The following DAPK1 variants were observed in gnomAD, a reference collection of about 807,000 sequenced individuals.
DAPK1 encodes death associated protein kinase 1.
In DAPK1, 56 loss-of-function variants were observed where a neutral mutation model predicts 144.9. That is an observed-to-expected ratio of 0.39 (90% CI 0.31 to 0.48). The LOEUF is 0.48. Ranked by LOEUF, DAPK1 falls within the 20% of genes least tolerant of loss-of-function variation. The pLI is 0.95. For missense variants in DAPK1, 1,454 were observed against 1,875.4 expected (o/e 0.78, Z 4.15); for synonymous variants, 690 against 749.0 (o/e 0.92, Z 1.29).
Position 87,611,388 on chromosome 9 carries a change from C to A in DAPK1, c.284+6213C>A, listed in dbSNP as rs56990718. Reference sequence around the variant, plus strand: ...CTGGCCTCAAGCTCCTGCACTCAAGCGCTTCTCCTGCGTCAGCCTCCTGAG... The same window carrying A: ...CTGGCCTCAAGCTCCTGCACTCAAGAGCTTCTCCTGCGTCAGCCTCCTGAG... On this transcript the variant is annotated intron_variant, in intron 3 of 25. Coordinates refer to ENST00000408954, the MANE Select transcript of DAPK1 (RefSeq NM_004938.4). Among the ~76,000 whole-genome samples the A allele has an allele frequency of 1.6e-4, 24 of 152,146 alleles. 1 individual carries two copies. Among genetic ancestry groups the A allele is most frequent in the Non-Finnish European group, 2.9e-5 (2 of 68,014 alleles).
intron 4 of DAPK1, among the ~76,000 whole-genome samples, chr9:87,638,472 C>G (rs1829979798): frequency 6.6e-6 from 1 of 152,194 alleles, no homozygotes; most frequent in Non-Finnish European, 1.5e-5. Context: ...GACTCTGTCA[C>G]CAATAATCAA....
intron 2 of DAPK1, among the ~76,000 whole-genome samples, chr9:87,509,613 G>GC (rs1033226087): frequency 1.3e-5 from 2 of 152,154 alleles, no homozygotes; most frequent in Admixed American, 6.5e-5. Context: ...GCCCGCCTCG[G>GC]CCCCCCACAA....
intron 18 of DAPK1, among the ~76,000 whole-genome samples, chr9:87,665,923 C>T (rs1344994615): frequency 6.6e-6 from 1 of 152,182 alleles, no homozygotes; most frequent in African/African-American, 2.4e-5. Flanking sequence ...GGCCATCTTT[C>T]TATATCTTTT....
At chr9:87,660,338 C>T (rs959369588) in intron 18 of DAPK1, among the ~76,000 whole-genome samples, 2 of 152,042 alleles carry the variant, frequency 1.3e-5, no homozygotes, top group African/African-American at 2.4e-5. Flanking sequence ...GCGTCGCCCT[C>T]AGAAACGTGA....
chr9:87,633,119 AAAG>A, intron 3 of DAPK1: 2 of 975,466 alleles, frequency 2.1e-6, no homozygotes, highest in Non-Finnish European at 2.4e-6. Flanking sequence ...ATGTAGAAAT[AAAG>A]AAAGATGAGT....
At chr9:87,700,418 G>A (rs913399712) in intron 24 of DAPK1, among the ~76,000 whole-genome samples, 181 bp downstream of exon 24, 8 of 152,088 alleles carry the variant, frequency 5.3e-5, no homozygotes, top group Non-Finnish European at 1.2e-4. Flanking sequence ...GGGAGCTGAA[G>A]GGTTATTATG....
chr9:87,567,759 G>A (rs36233190), intron 2 of DAPK1, among the ~76,000 whole-genome samples: 13,172 of 152,020 alleles, frequency 0.087, 893 homozygotes, highest in East Asian at 0.34. Context: ...ATGAGTCTGT[G>A]AGCCCCACCC....
intron 2 of DAPK1, among the ~76,000 whole-genome samples, chr9:87,516,175 G>A (rs1250731998): frequency 6.6e-6 from 1 of 152,148 alleles, no homozygotes; most frequent in Non-Finnish European, 1.5e-5. Flanking sequence ...TCTCCTTGGT[G>A]TGGAAGCTGG....
chr9:87,514,964 A>G (rs1824989348), intron 2 of DAPK1, among the ~76,000 whole-genome samples: 1 of 152,232 alleles, frequency 6.6e-6, no homozygotes, highest in Admixed American at 6.5e-5. Flanking sequence ...CATCTGGGAC[A>G]TGAGAGTGTT....
chr9:87,622,552 G>A (rs1829335488), intron 3 of DAPK1, among the ~76,000 whole-genome samples: 1 of 152,128 alleles, frequency 6.6e-6, no homozygotes, highest in Non-Finnish European at 1.5e-5. Context: ...AAAAAAGATT[G>A]CTTTTGGTTT....
intron 3 of DAPK1, among the ~76,000 whole-genome samples, chr9:87,625,610 G>T (rs976448866): frequency 1.1e-4 from 17 of 152,304 alleles, no homozygotes; most frequent in Admixed American, 3.3e-4. Flanking sequence ...TAGTGCTGGA[G>T]ACTTCTGTGA....
At chr9:87,592,718 G>A (rs1295725736) in intron 2 of DAPK1, among the ~76,000 whole-genome samples, 1 of 152,128 alleles carries the variant, frequency 6.6e-6, no homozygotes, top group Non-Finnish European at 1.5e-5. Flanking sequence ...CCTCGTGGCT[G>A]ACTTCCAGGG....
intron 1 of DAPK1, chr9:87,498,730 C>A (rs1170638605): frequency 4.6e-6 from 2 of 431,204 alleles, no homozygotes; most frequent in South Asian, 1.6e-4. Flanking sequence ...GACCGCCCAG[C>A]GTTTGGGGAC....
chr9:87,530,790 C>T (rs972341097), intron 2 of DAPK1, among the ~76,000 whole-genome samples: 1 of 152,100 alleles, frequency 6.6e-6, no homozygotes, highest in African/African-American at 2.4e-5. Context: ...GCCTTCTTGT[C>T]GCAGGTGGGA....
chr9:87,544,823 G>T (rs563444476), intron 2 of DAPK1, among the ~76,000 whole-genome samples: 1 of 152,156 alleles, frequency 6.6e-6, no homozygotes, highest in Non-Finnish European at 1.5e-5. Context: ...CAAAATGCAG[G>T]AAGAAAGACA....
chr9:87,597,572 G>A (rs1389812763), intron 2 of DAPK1, among the ~76,000 whole-genome samples: 1 of 152,042 alleles, frequency 6.6e-6, no homozygotes, highest in East Asian at 1.9e-4. Context: ...TCCTTTCCAT[G>A]TGCTTGATGT....
In DAPK1 at chr9:87,681,537, T is replaced by TGA; in HGVS notation, c.2137_2138dup (p.Ser714GlyfsTer32). 6.2e-7 allele frequency: 1 copy of TGA among 1,612,498 alleles called. No individual in the cohort carries two copies. Among genetic ancestry groups the TGA allele is most frequent in the Non-Finnish European group, 8.5e-7 (1 of 1,178,530 alleles). On this transcript the variant is annotated frameshift_variant, in exon 20 of 26. Transcript: ENST00000408954. LOFTEE classifies it high-confidence loss of function. Reference sequence around the variant, plus strand: ...GTAGAATCTCTCAAGTGTGGGCTGCTGAGGAGCTTTTTCAGAAGGCGTCGG... The same window carrying TGA: ...GTAGAATCTCTCAAGTGTGGGCTGCTGAGAGGAGCTTTTTCAGAAGGCGTCGG...
At chr9:87,576,567 GTTTTGTTTGAGACGGAGTCTCTCTCTATT>G (rs1191601039) in intron 2 of DAPK1, among the ~76,000 whole-genome samples, 1 of 149,678 alleles carries the variant, frequency 6.7e-6, no homozygotes, top group African/African-American at 2.5e-5. Flanking sequence ...GTTTTGTTTT[GTTTTGTTTGAGACGGAGTCTCTCTCTATT>G]TCCCAGGCTG....
chr9:87,649,974 C>G lies in DAPK1; in HGVS notation c.1482C>G (p.Ala494=). ...CAAWHGYYSV[A]KALCEAGCNV... is the part of the protein sequence containing the mutation. ...CTTGGCACGGCTATTACTCTGTGGC[C>G]AAAGCCCTTTGTGAAGCCGGCTGTA... is the stretch of plus-strand genomic sequence containing the variant. Residue 494 remains alanine (A), a synonymous_variant, in exon 16 of 26, where the codon GCC becomes GCG. Coordinates refer to ENST00000408954, the MANE Select transcript of DAPK1 (RefSeq NM_004938.4). 6.2e-7 allele frequency: 1 copy of G among 1,614,174 alleles called. No homozygotes were observed. The highest frequency in any genetic ancestry group is 8.5e-7 in the Non-Finnish European group (1 of 1,180,042).
Sources: gnomAD v4.1 joint callset for allele counts (sites outside exome capture counted in the v4.1 genomes callset) on GRCh38, gnomAD v4.1.1 for gene constraint, MANE v1.5 for transcripts, NCBI Gene and HGNC (gene_info 2026-07-23, HGNC 2026-07-21) for gene names.